The following LINGO2 variants were observed in gnomAD, a reference collection of about 807,000 sequenced individuals.
LINGO2 encodes leucine rich repeat and Ig domain containing 2, also known as leucine-rich repeat and immunoglobulin-like domain-containing nogo receptor-interacting protein 2.
In LINGO2, 14 loss-of-function variants were observed where a neutral mutation model predicts 30.6. The ratio of observed to expected loss-of-function variants is 0.46; its 90% CI spans 0.30 to 0.72. The LOEUF is 0.72. LINGO2 is among the 30% of genes least tolerant of loss of function. LINGO2 has a pLI of 0.07. For missense variants in LINGO2, 729 were observed against 751.7 expected (o/e 0.97, Z 0.35); for synonymous variants, 317 against 288.5 (o/e 1.10, Z -1.00).
intron 2 of LINGO2, among the ~76,000 whole-genome samples, chr9:28,425,953 CT>C (rs1458427385): frequency 9.9e-5 from 15 of 151,886 alleles, no homozygotes; most frequent in African/African-American, 3.6e-4. Flanking sequence ...TTTTTGAGAT[CT>C]ACTTTAGGCG....
the LINGO2 span, among the ~76,000 whole-genome samples, chr9:29,158,122 T>C: frequency 6.6e-6 from 1 of 151,460 alleles, no homozygotes; most frequent in African/African-American, 2.4e-5. Flanking sequence ...GTGGGCAAAT[T>C]GTTTAAGCTC....
chr9:29,127,339 T>C, the LINGO2 span, among the ~76,000 whole-genome samples: 1 of 152,136 alleles, frequency 6.6e-6, no homozygotes, highest in Non-Finnish European at 1.5e-5. Context: ...CCTCCACTGG[T>C]GACATATTTT....
At chr9:28,045,974 C>T (rs1300046747) in intron 4 of LINGO2, among the ~76,000 whole-genome samples, 2 of 152,142 alleles carry the variant, frequency 1.3e-5, no homozygotes, top group African/African-American at 2.4e-5. Context: ...TTCATTTCCT[C>T]ATGTGTCCCT....
chr9:28,580,844 C>T (rs1824224027), intron 1 of LINGO2, among the ~76,000 whole-genome samples: 2 of 151,964 alleles, frequency 1.3e-5, no homozygotes, highest in Admixed American at 6.6e-5. Flanking sequence ...TTTGACACTC[C>T]AAATACTGGT....
At chr9:28,346,355 T>A (rs914961117) in intron 3 of LINGO2, among the ~76,000 whole-genome samples, 2 of 152,296 alleles carry the variant, frequency 1.3e-5, no homozygotes, top group Admixed American at 1.3e-4. Flanking sequence ...CCATCCATGT[T>A]CCCACAAAGG....
chr9:28,923,834 C>A, the LINGO2 span, among the ~76,000 whole-genome samples: 1 of 151,950 alleles, frequency 6.6e-6, no homozygotes, highest in Non-Finnish European at 1.5e-5. Flanking sequence ...AGTGAGTGAC[C>A]AAATAATATT....
chr9:28,759,135 A>G, the LINGO2 span, among the ~76,000 whole-genome samples: 2 of 152,014 alleles, frequency 1.3e-5, no homozygotes, highest in East Asian at 3.9e-4. Flanking sequence ...AAGTGCTCCG[A>G]TAGCACATCA....
At chr9:29,036,619 C>A in the LINGO2 span, among the ~76,000 whole-genome samples, 19 of 152,014 alleles carry the variant, frequency 1.2e-4, no homozygotes, top group African/African-American at 3.9e-4. Context: ...TGGGAGAGAT[C>A]GGAAATCTAG....
the LINGO2 span, among the ~76,000 whole-genome samples, chr9:28,965,913 G>A: frequency 0.12 from 17,977 of 152,144 alleles, 1,049 homozygotes; most frequent in South Asian, 0.16. Flanking sequence ...ATTTAAGTAC[G>A]AATTTGTCTA....
chr9:29,140,903 G>A, the LINGO2 span, among the ~76,000 whole-genome samples: 1 of 151,886 alleles, frequency 6.6e-6, no homozygotes. Flanking sequence ...AAAAGAACCT[G>A]CCAATGGAAA....
chr9:28,596,705 T>G (rs1825198230), intron 1 of LINGO2, among the ~76,000 whole-genome samples: 1 of 152,214 alleles, frequency 6.6e-6, no homozygotes, highest in South Asian at 2.1e-4. Context: ...ATCAATGCCT[T>G]TAGCATAAAA....
At chr9:29,041,214 A>G in the LINGO2 span, among the ~76,000 whole-genome samples, 1 of 152,014 alleles carries the variant, frequency 6.6e-6, no homozygotes, top group Non-Finnish European at 1.5e-5. Context: ...GACATACTAC[A>G]TTCATAGACT....
chr9:28,606,248 T>A (rs761621003), intron 1 of LINGO2, among the ~76,000 whole-genome samples: 23 of 151,992 alleles, frequency 1.5e-4, no homozygotes, highest in Non-Finnish European at 3.2e-4. Flanking sequence ...TTTCAAGACT[T>A]ACAATGGGCA....
chr9:29,063,913 T>C, the LINGO2 span, among the ~76,000 whole-genome samples: 2 of 152,180 alleles, frequency 1.3e-5, no homozygotes, highest in Non-Finnish European at 2.9e-5. Flanking sequence ...GCTAGGAAGA[T>C]TGGTGATAAG....
chr9:28,625,659 T>A (rs1187653469), intron 1 of LINGO2, among the ~76,000 whole-genome samples: 2 of 152,136 alleles, frequency 1.3e-5, no homozygotes, highest in Admixed American at 6.6e-5. Context: ...ATGCCCATTT[T>A]TTTCCTTTTT....
chr9:28,302,251 C>G (rs1460759781), intron 3 of LINGO2, among the ~76,000 whole-genome samples: 1 of 152,284 alleles, frequency 6.6e-6, no homozygotes, highest in East Asian at 1.9e-4. Flanking sequence ...GGTAAGTGGT[C>G]TCACCAGGAC....
At chr9:28,154,367 G>A (rs546966282) in intron 4 of LINGO2, among the ~76,000 whole-genome samples, 6 of 152,240 alleles carry the variant, frequency 3.9e-5, no homozygotes, top group Non-Finnish European at 8.8e-5. Context: ...ACAATTCAAT[G>A]GAAAATATTA....
chr9:28,705,268 T>C, the LINGO2 span, among the ~76,000 whole-genome samples: 1 of 152,104 alleles, frequency 6.6e-6, no homozygotes, highest in East Asian at 1.9e-4. Flanking sequence ...GTAAAAGAAA[T>C]TATAGTAAAT....
chr9:28,850,621 G>C, the LINGO2 span, among the ~76,000 whole-genome samples: 3 of 152,010 alleles, frequency 2.0e-5, no homozygotes, highest in East Asian at 5.8e-4. Flanking sequence ...AGCCAGTGAT[G>C]TTCCAGAGGA....
Sources: allele counts gnomAD v4.1 joint callset (sites outside exome capture counted in the v4.1 genomes callset), GRCh38; gene constraint gnomAD v4.1.1; transcripts MANE v1.5; gene names NCBI Gene and HGNC (gene_info 2026-07-23, HGNC 2026-07-21).